Variants in SUGCT observed in about 807,000 individuals in gnomAD.
SUGCT encodes the protein succinyl-CoA:glutarate-CoA transferase, also known as succinyl-CoA:glutarate CoA-transferase.
In SUGCT, 41 loss-of-function variants were observed where a neutral mutation model predicts 55.0. The ratio of observed to expected loss-of-function variants is 0.74; its 90% CI spans 0.58 to 0.97. SUGCT has a LOEUF of 0.97. SUGCT is among the 50% of genes least tolerant of loss of function. SUGCT has a pLI of 0.00. For missense variants in SUGCT, 568 were observed against 547.8 expected, an observed-to-expected ratio of 1.04 and a Z score of -0.37; for synonymous variants, 187 against 200.4, an observed-to-expected ratio of 0.93 and a Z score of 0.56.
At chr7:40,575,943 CAAAA>C (rs766046012) in intron 12 of SUGCT, among the ~76,000 whole-genome samples, 3 of 69,694 alleles carry the variant, frequency 4.3e-5, no homozygotes, top group African/African-American at 4.5e-5. Context: ...GACACTGTCT[CAAAA>C]AAAAAAAAAA....
At chr7:40,695,219 T>TTTATTTA (rs1562950612) in intron 12 of SUGCT, among the ~76,000 whole-genome samples, 9 of 115,910 alleles carry the variant, frequency 7.8e-5, no homozygotes, top group African/African-American at 2.3e-4. Context: ...TTATTTATTT[T>TTTATTTA]GAGACAGGGT....
the SUGCT span, among the ~76,000 whole-genome samples, chr7:40,948,574 T>G: frequency 1.3e-5 from 2 of 152,132 alleles, no homozygotes; most frequent in African/African-American, 4.8e-5. Flanking sequence ...TCATCTACAC[T>G]AGGTATTTCT....
chr7:40,430,317 T>C (rs1352003592), intron 9 of SUGCT, among the ~76,000 whole-genome samples: 1 of 152,222 alleles, frequency 6.6e-6, no homozygotes, highest in African/African-American at 2.4e-5. Context: ...CTCCACACTC[T>C]TACCAACATT....
chr7:40,887,949 A>G, the SUGCT span, among the ~76,000 whole-genome samples: 1 of 152,178 alleles, frequency 6.6e-6, no homozygotes. Flanking sequence ...AGGTGCCACT[A>G]AAGGGCTCAC....
chr7:40,564,549 A>C (rs190756349), intron 12 of SUGCT, among the ~76,000 whole-genome samples: 271 of 152,354 alleles, frequency 1.8e-3, no homozygotes, highest in African/African-American at 5.9e-3. Context: ...GTTAATTTCA[A>C]CTTATTCTGT....
chr7:40,524,830 A>T (rs1032449285), intron 12 of SUGCT, among the ~76,000 whole-genome samples: 15 of 152,130 alleles, frequency 9.9e-5, no homozygotes, highest in South Asian at 2.1e-4. Context: ...AGGAATTCCT[A>T]TTCTTTCAGC....
intron 9 of SUGCT, among the ~76,000 whole-genome samples, chr7:40,414,392 C>T (rs1786854194): frequency 6.6e-6 from 1 of 152,066 alleles, no homozygotes; most frequent in African/African-American, 2.4e-5. Context: ...GTTTTCAGGT[C>T]AAATAAACAT....
At chr7:40,888,653 G>A in the SUGCT span, among the ~76,000 whole-genome samples, 2 of 152,146 alleles carry the variant, frequency 1.3e-5, no homozygotes, top group Admixed American at 6.5e-5. Context: ...TTTGGGTGTG[G>A]TAAACTGGAA....
At chr7:40,624,129 G>C (rs1251575904) in intron 12 of SUGCT, among the ~76,000 whole-genome samples, 3 of 152,126 alleles carry the variant, frequency 2.0e-5, no homozygotes, top group Non-Finnish European at 2.9e-5. Context: ...TTCCTGGAAG[G>C]AGAACGTTGC....
chr7:40,448,595 C>G (rs1028169483), intron 9 of SUGCT, among the ~76,000 whole-genome samples: 1 of 152,032 alleles, frequency 6.6e-6, no homozygotes, highest in Non-Finnish European at 1.5e-5. Flanking sequence ...TGCCTGTAAT[C>G]CCGGCACTTT....
intron 12 of SUGCT, among the ~76,000 whole-genome samples, chr7:40,649,404 G>T (rs569350921): frequency 3.3e-5 from 5 of 151,988 alleles, no homozygotes; most frequent in Non-Finnish European, 7.4e-5. Context: ...TTACAGATGG[G>T]GGGGGAAGGA....
the SUGCT span, among the ~76,000 whole-genome samples, chr7:40,899,262 C>G: frequency 6.6e-6 from 1 of 152,174 alleles, no homozygotes; most frequent in Non-Finnish European, 1.5e-5. Context: ...CCCTGACTGG[C>G]AGAGGTTCTC....
intron 12 of SUGCT, among the ~76,000 whole-genome samples, chr7:40,746,720 T>C (rs1439413904): frequency 2.6e-5 from 4 of 152,248 alleles, no homozygotes; most frequent in Non-Finnish European, 5.9e-5. Context: ...CACAAAACTT[T>C]GACGTATGTC....
At chr7:40,412,830 G>T (rs1282620291) in intron 9 of SUGCT, among the ~76,000 whole-genome samples, 1 of 151,996 alleles carries the variant, frequency 6.6e-6, no homozygotes, top group Non-Finnish European at 1.5e-5. Context: ...TACTTTCTCT[G>T]TTTGGAGGGT....
chr7:40,888,460 A>G, the SUGCT span, among the ~76,000 whole-genome samples: 1 of 152,100 alleles, frequency 6.6e-6, no homozygotes, highest in Non-Finnish European at 1.5e-5. Context: ...AAAAAAAAAA[A>G]AAGAAGAAAG....
chr7:40,542,047 A>G (rs1794716704), intron 12 of SUGCT, among the ~76,000 whole-genome samples: 1 of 152,200 alleles, frequency 6.6e-6, no homozygotes, highest in African/African-American at 2.4e-5. Flanking sequence ...GCTTGGCAAT[A>G]CAGTGGCAAG....
intron 9 of SUGCT, among the ~76,000 whole-genome samples, chr7:40,350,973 T>C (rs1332868512): frequency 6.6e-6 from 1 of 152,160 alleles, no homozygotes; most frequent in Non-Finnish European, 1.5e-5. Flanking sequence ...GAACCCATCC[T>C]TTTTTATGGC....
intron 9 of SUGCT, among the ~76,000 whole-genome samples, chr7:40,342,642 G>A (rs562346988): frequency 1.4e-5 from 1 of 69,700 alleles, no homozygotes; most frequent in East Asian, 5.1e-4. Flanking sequence ...ATTTCTAAAC[G>A]TGTACTTTTT....
chr7:40,900,000 C>T, the SUGCT span, among the ~76,000 whole-genome samples: 3 of 152,182 alleles, frequency 2.0e-5, no homozygotes, highest in Admixed American at 2.0e-4. Flanking sequence ...GGCCCTGGCC[C>T]TCTCTCTTCT....
Sources: gnomAD v4.1 joint callset for allele counts (sites outside exome capture counted in the v4.1 genomes callset) on GRCh38, gnomAD v4.1.1 for gene constraint, MANE v1.5 for transcripts, NCBI Gene and HGNC (gene_info 2026-07-23, HGNC 2026-07-21) for gene names.